Variants in CBFB observed in about 807,000 individuals in gnomAD.
CBFB encodes core-binding factor subunit beta.
Under a neutral mutation model 30.4 loss-of-function variants are expected in CBFB, and 9 were observed. The ratio of observed to expected loss-of-function variants is 0.30; its 90% confidence interval spans 0.18 to 0.52. CBFB has a LOEUF of 0.52. Ranked by LOEUF, CBFB falls within the 20% of genes least tolerant of loss-of-function variation. CBFB has a pLI of 0.97. For synonymous variants in CBFB, 94 were observed against 84.0 expected, an observed-to-expected ratio of 1.12 and a Z score of -0.65; for missense variants, 170 against 244.0, an observed-to-expected ratio of 0.70 and a Z score of 2.02.
Position 67,033,249 on chromosome 16 carries a change from C to T in CBFB, c.166-3390C>T, listed in dbSNP as rs138858837. On this transcript the variant is annotated intron_variant, in intron 2 of 5. Transcript: ENST00000412916. ...CTCTTTAACTATAAAACTCAATCAGCCTCCTTATTTTATGCCAATTGAGTT... is the reference window on the plus strand; with the variant it reads ...CTCTTTAACTATAAAACTCAATCAGTCTCCTTATTTTATGCCAATTGAGTT... Among the ~76,000 whole-genome samples, 5 of 152,320 alleles carry T rather than the reference C, an allele frequency of 3.3e-5. No homozygotes were observed. In the East Asian group the frequency reaches 7.7e-4, roughly 24 times the overall value.
intron 4 of CBFB, among the ~76,000 whole-genome samples, chr16:67,078,507 C>G (rs892566250): frequency 7.2e-5 from 11 of 152,270 alleles, no homozygotes; most frequent in Non-Finnish European, 2.9e-5. Context: ...AATCACACCA[C>G]TGCACTCCAG....
At chr16:67,052,365 T>A (rs1043545333) in intron 3 of CBFB, among the ~76,000 whole-genome samples, 5 of 151,764 alleles carry the variant, frequency 3.3e-5, no homozygotes, top group Non-Finnish European at 5.9e-5. Context: ...AAGCCAGGAG[T>A]CCGAGACCAG....
intron 3 of CBFB, among the ~76,000 whole-genome samples, chr16:67,049,571 T>A (rs570297177): frequency 2.6e-4 from 40 of 152,324 alleles, no homozygotes; most frequent in Non-Finnish European, 4.7e-4. Flanking sequence ...CATGGCTCAC[T>A]GCAGCTTCAA....
At chr16:67,030,810 A>AGCTG (rs1319113626) in intron 2 of CBFB, among the ~76,000 whole-genome samples, 1 of 152,120 alleles carries the variant, frequency 6.6e-6, no homozygotes, top group Non-Finnish European at 1.5e-5. Flanking sequence ...TTGTTGGCCA[A>AGCTG]GCTGGCCTCC....
intron 4 of CBFB, among the ~76,000 whole-genome samples, chr16:67,080,054 T>C (rs1271955812): frequency 1.3e-5 from 2 of 152,206 alleles, no homozygotes; most frequent in Non-Finnish European, 2.9e-5. Flanking sequence ...ATCACACTGC[T>C]GTACTCCAGC....
At chr16:67,093,022 A>G (rs1042514925) in intron 5 of CBFB, among the ~76,000 whole-genome samples, 3 of 152,016 alleles carry the variant, frequency 2.0e-5, no homozygotes, top group Non-Finnish European at 4.4e-5. Flanking sequence ...CTTATAGCCC[A>G]CTGCAGCCTT....
chr16:67,052,116 G>C (rs1156537452), intron 3 of CBFB, among the ~76,000 whole-genome samples: 1 of 152,094 alleles, frequency 6.6e-6, no homozygotes, highest in South Asian at 2.1e-4. Flanking sequence ...GTGAGCTCAA[G>C]TGATCCACCT....
At chr16:67,096,952 A>C (rs1962065820) in intron 5 of CBFB, among the ~76,000 whole-genome samples, 4 of 149,564 alleles carry the variant, frequency 2.7e-5, no homozygotes, top group Admixed American at 2.7e-4. Context: ...AATACATCTG[A>C]GTCGTACATG....
intron 3 of CBFB, among the ~76,000 whole-genome samples, chr16:67,048,816 T>C (rs1301787207): frequency 7.1e-6 from 1 of 140,252 alleles, no homozygotes; most frequent in Admixed American, 7.2e-5. Context: ...GCCTTTTTTT[T>C]TTTTTTCTTT....
intron 2 of CBFB, chr16:67,030,074 A>G: frequency 2.5e-6 from 1 of 397,920 alleles, no homozygotes; most frequent in South Asian, 4.6e-5. Context: ...GAGCCAGACT[A>G]AACAAGCGAA....
intron 5 of CBFB, among the ~76,000 whole-genome samples, chr16:67,089,571 C>T (rs1350588467): frequency 6.6e-6 from 1 of 152,166 alleles, no homozygotes; most frequent in Non-Finnish European, 1.5e-5. Flanking sequence ...TGAAACCCTT[C>T]CTCCATTTGA....
chr16:67,045,192 C>G (rs1205050314), intron 3 of CBFB, among the ~76,000 whole-genome samples: 1 of 151,902 alleles, frequency 6.6e-6, no homozygotes, highest in Non-Finnish European at 1.5e-5. Flanking sequence ...ATTTTTCAAT[C>G]TAAGAGAGGA....
At chr16:67,035,603 A>C (rs990179971) in intron 2 of CBFB, among the ~76,000 whole-genome samples, 1 of 152,192 alleles carries the variant, frequency 6.6e-6, no homozygotes, top group African/African-American at 2.4e-5. Context: ...GTTAACCATC[A>C]GGGGAACTAT....
At chr16:67,073,953 C>G (rs1961311716) in intron 4 of CBFB, among the ~76,000 whole-genome samples, 1 of 151,914 alleles carries the variant, frequency 6.6e-6, no homozygotes. Context: ...GGCATGAACC[C>G]AGGAGGCGGA....
At chr16:67,082,089 G>C (rs2145770844) in intron 4 of CBFB, 124 bp from the exon 5 acceptor site, 3 of 633,750 alleles carry the variant, frequency 4.7e-6, no homozygotes, top group Non-Finnish European at 7.2e-6. Context: ...AAAGTGCTGA[G>C]ATTACAGGCG....
chr16:67,098,900 C>G lies in CBFB; in HGVS notation c.*122C>G, dbSNP rs559084802. 2.0e-4 allele frequency: 136 copies of G among 669,248 alleles called. 2 individuals are homozygous for G. In the South Asian group the frequency reaches 2.3e-3, roughly 11 times the overall value. The allele number at this position is 669,248 out of a possible 1,614,324, so 41.5% of individuals were successfully genotyped here. A position where few individuals can be genotyped will look rare whatever the true frequency, so the allele number is the denominator to read the frequency against. On this transcript the variant is annotated 3_prime_UTR_variant, in exon 6 of 6. Coordinates refer to ENST00000412916, the MANE Select transcript of CBFB (RefSeq NM_022845.3). ...GGAGGTACTACGGTCTATTTCTCAACCTTAGGCAGTAATAGACATCACAAA... is the reference window on the plus strand; with the variant it reads ...GGAGGTACTACGGTCTATTTCTCAAGCTTAGGCAGTAATAGACATCACAAA...
chr16:67,044,368 A>G (rs1365786151), intron 3 of CBFB, among the ~76,000 whole-genome samples: 1 of 152,220 alleles, frequency 6.6e-6, no homozygotes, highest in Non-Finnish European at 1.5e-5. Context: ...CATTGACCTC[A>G]GAAAAAGAGA....
Position 67,029,802 on chromosome 16 carries a change from C to A in CBFB, c.154C>A (p.Arg52Ser). ...CTTCCAGAACGCCTGCCGCGACGGC[C>A]GCTCGGAAATCGTAAGTCGGCTGGC... Reference protein sequence around the residue: ...ARFQNACRDGRSEIAFVATGT... With the variant: ...ARFQNACRDGSSEIAFVATGT... Residue 52 changes from arginine (R) to serine (S), a missense_variant, in exon 2 of 6, where the codon CGC (arginine) becomes AGC (serine). Arg to Ser is a moderately radical substitution (Grantham distance 110). Transcript: ENST00000412916. 6.3e-7 allele frequency: 1 copy of A among 1,586,978 alleles called. No homozygotes were observed. The highest frequency in any genetic ancestry group is 8.6e-7 in the Non-Finnish European group (1 of 1,168,860).
At chr16:67,075,957 T>G (rs1275119175) in intron 4 of CBFB, among the ~76,000 whole-genome samples, 1 of 152,066 alleles carries the variant, frequency 6.6e-6, no homozygotes, top group Non-Finnish European at 1.5e-5. Flanking sequence ...ATTAACTGGG[T>G]ACAGTGGCTC....
Sources: gnomAD v4.1 joint callset for allele counts (sites outside exome capture counted in the v4.1 genomes callset) on GRCh38, gnomAD v4.1.1 for gene constraint, MANE v1.5 for transcripts, NCBI Gene and HGNC (gene_info 2026-07-23, HGNC 2026-07-21) for gene names.